SIRT1: variants seen among roughly 807,000 people sequenced by gnomAD.
The protein encoded by SIRT1 is NAD-dependent protein deacetylase sirtuin-1.
A neutral mutation model predicts 67.9 loss-of-function variants in SIRT1; 24 were observed. That is an observed-to-expected ratio of 0.35 (90% CI 0.26 to 0.50). SIRT1 has a LOEUF of 0.50. Among genes scored for constraint, SIRT1 ranks in the 20% least tolerant of loss-of-function variants. SIRT1 has a pLI of 0.98. For missense variants in SIRT1, 873 were observed against 937.2 expected, an observed-to-expected ratio of 0.93 and a Z score of 0.89; for synonymous variants, 378 against 350.7, an observed-to-expected ratio of 1.08 and a Z score of -0.87.
At position 67,916,462 on chromosome 10, in the gene SIRT1, G is replaced by A. The variant is rs778261267; in HGVS notation, c.2113G>A (p.Glu705Lys). 9 of 1,614,072 alleles carry A rather than the reference G, an allele frequency of 5.6e-6. No individual in the cohort carries two copies. Among genetic ancestry groups the A allele is most frequent in the Non-Finnish European group, 7.6e-6 (9 of 1,180,036 alleles). Residue 705 changes from glutamate to lysine, a missense_variant, in exon 9 of 9, where the codon GAG (glutamate) becomes AAG (lysine). Transcript: ENST00000212015. ...IEEFYNGLED[E>K]PDVPERAGGA... is the part of the protein sequence containing the mutation. ...AGAATTCTACAATGGCTTAGAAGAT[G>A]AGCCTGATGTTCCAGAGAGAGCTGG...
chr10:67,900,008 C>T (rs1442913720), intron 4 of SIRT1, among the ~76,000 whole-genome samples: 9 of 151,982 alleles, frequency 5.9e-5, no homozygotes, highest in African/African-American at 1.7e-4. Context: ...CGCTTGAACT[C>T]GGGAGGCGGA....
At chr10:67,896,416 T>C (rs1344253574) in intron 4 of SIRT1, among the ~76,000 whole-genome samples, 2 of 152,202 alleles carry the variant, frequency 1.3e-5, no homozygotes, top group Admixed American at 6.5e-5. Flanking sequence ...AGTGTCGGGA[T>C]TGTAGGCATA....
At chr10:67,887,346 C>T (rs1842499357) in intron 1 of SIRT1, 71 bp from the exon 2 acceptor site, 6 of 935,630 alleles carry the variant, frequency 6.4e-6, no homozygotes, top group Non-Finnish European at 1.0e-5. Context: ...AAAATGATTG[C>T]TCTATAACCG....
At chr10:67,913,766 A>G (rs920291326) in intron 8 of SIRT1, among the ~76,000 whole-genome samples, 5 of 152,248 alleles carry the variant, frequency 3.3e-5, no homozygotes, top group African/African-American at 1.2e-4. Context: ...TAACAGTCTT[A>G]TATAACTTAG....
At chr10:67,905,838 T>C (rs984745828) in intron 4 of SIRT1, among the ~76,000 whole-genome samples, 3 of 152,214 alleles carry the variant, frequency 2.0e-5, no homozygotes, top group Admixed American at 2.0e-4. Flanking sequence ...CATCTAGATC[T>C]CCCTCAATTC....
chr10:67,885,522 C>A, intron 1 of SIRT1: 1 of 646,604 alleles, frequency 1.5e-6, no homozygotes, highest in Non-Finnish European at 2.0e-6. Flanking sequence ...TTGCTTTTCT[C>A]CTCTACCCCC....
At position 67,885,108 on chromosome 10, in the gene SIRT1, C is replaced by CGAG. The variant is rs1392998332; in HGVS notation, c.396_398dup (p.Glu134dup). ...ACGACGAAGACGACGACGACGAGGG[C>CGAG]GAGGAGGAGGAAGAGGCGGCGGCGG... On this transcript the variant is annotated inframe_insertion, in exon 1 of 9. Coordinates refer to ENST00000212015, the MANE Select transcript of SIRT1 (RefSeq NM_012238.5). 2 of 1,440,400 alleles carry CGAG rather than the reference C, an allele frequency of 1.4e-6. No individual in the cohort carries two copies. Among genetic ancestry groups the CGAG allele is most frequent in the East Asian group, 3.0e-5 (1 of 32,958 alleles). 89.2% of individuals were successfully genotyped at this position (1,440,400 alleles called of 1,614,324 possible).
At chr10:67,885,912 T>C (rs915786840) in intron 1 of SIRT1, among the ~76,000 whole-genome samples, 6 of 151,966 alleles carry the variant, frequency 3.9e-5, no homozygotes, top group Non-Finnish European at 7.4e-5. Context: ...GAAGCAGATA[T>C]GTTGCAGTTG....
chr10:67,916,594 T>G lies in SIRT1; in HGVS notation c.*1T>G. On this transcript the variant is annotated 3_prime_UTR_variant, in exon 9 of 9. Coordinates refer to ENST00000212015, the MANE Select transcript of SIRT1 (RefSeq NM_012238.5). The stretch of plus-strand genomic sequence containing the variant: ...GAACTATCCATCAAACAAATCATAG[T>G]GTAATAATTGTGCAGGTACAGGAAT... 6.2e-7 allele frequency: 1 copy of G among 1,601,112 alleles called. No individual in the cohort carries two copies. The highest frequency in any genetic ancestry group is 8.5e-7 in the Non-Finnish European group (1 of 1,170,750).
At chr10:67,914,232 C>T (rs987952118) in intron 8 of SIRT1, among the ~76,000 whole-genome samples, 4 of 151,910 alleles carry the variant, frequency 2.6e-5, no homozygotes, top group African/African-American at 4.8e-5. Context: ...CCACCTTGCT[C>T]GGCTGATTCT....
chr10:67,898,258 CAAA>C (rs756541937), intron 4 of SIRT1, among the ~76,000 whole-genome samples: 7 of 66,730 alleles, frequency 1.0e-4, no homozygotes, highest in Admixed American at 3.7e-4. Flanking sequence ...GACTCTGTCT[CAAA>C]AAAAAAAAAA....
At chr10:67,901,980 ATTTGTT>A (rs72486821) in intron 4 of SIRT1, among the ~76,000 whole-genome samples, 54,899 of 151,272 alleles carry the variant, frequency 0.36, 10,729 homozygotes, top group East Asian at 0.85. Flanking sequence ...GGTATACAAT[ATTTGTT>A]TTTGTTTTTG....
intron 5 of SIRT1, 80 bp downstream of exon 5, chr10:67,907,017 G>C: frequency 8.4e-7 from 1 of 1,184,216 alleles, no homozygotes. Context: ...GACTGCCATC[G>C]AGAAGTGGAG....
rs199512798 is a variant in SIRT1, at chr10:67,887,421, C to T, written c.435C>T (p.Asn145=). ...AAAAAIGYRD[N]LLFGDEIITN... ...CTGACTTGGTTTCTTTTGCAGATAA[C>T]CTTCTGTTCGGTGATGAAATTATCA... The change falls in exon 2 of 9, where the codon AAC becomes AAT. Residue 145 remains asparagine (N), a synonymous_variant. Coordinates refer to ENST00000212015, the MANE Select transcript of SIRT1 (RefSeq NM_012238.5). 8 of 1,610,130 alleles carry T rather than the reference C, an allele frequency of 5.0e-6. No homozygotes were observed. In the Admixed American group the frequency reaches 6.7e-5, roughly 13 times the overall value.
At chr10:67,914,492 A>T (rs1246406512) in intron 8 of SIRT1, among the ~76,000 whole-genome samples, 3 of 152,338 alleles carry the variant, frequency 2.0e-5, no homozygotes, top group Non-Finnish European at 4.4e-5. Flanking sequence ...GAAAAAGCAT[A>T]GAGGGATGCT....
intron 4 of SIRT1, among the ~76,000 whole-genome samples, chr10:67,893,842 G>A (rs1338697219): frequency 2.0e-5 from 3 of 152,066 alleles, no homozygotes; most frequent in Non-Finnish European, 4.4e-5. Context: ...CGCGCCCCGC[G>A]CCCTGCCGAT....
chr10:67,887,388 A>G (rs755700690), intron 1 of SIRT1, 29 bp from the exon 2 acceptor site: 10 of 1,453,444 alleles, frequency 6.9e-6, no homozygotes, highest in Non-Finnish European at 9.7e-6. Flanking sequence ...TTGTTTTGAT[A>G]GCCTTGACTG....
intron 6 of SIRT1, 141 bp downstream of exon 6, chr10:67,908,266 G>A: frequency 1.6e-6 from 1 of 622,514 alleles, no homozygotes; most frequent in Non-Finnish European, 2.7e-6. Flanking sequence ...TGGGAATTTT[G>A]GTAAAATACA....
chr10:67,906,784 A>T lies in SIRT1; in HGVS notation c.943-6A>T. 1 of 1,608,750 alleles carries T rather than the reference A, an allele frequency of 6.2e-7. No homozygotes were observed. The highest frequency in any genetic ancestry group is 8.5e-7 in the Non-Finnish European group (1 of 1,178,566). ...GTAAATTTTTTCTACCATTTGCTTG[A>T]TACAGGAAATATATCCTGGACAATT... On this transcript the variant is annotated splice_polypyrimidine_tract_variant and splice_region_variant and intron_variant, in intron 4 of 8. Coordinates refer to ENST00000212015, the MANE Select transcript of SIRT1 (RefSeq NM_012238.5).
Sources: gnomAD v4.1 joint callset for allele counts (sites outside exome capture counted in the v4.1 genomes callset) on GRCh38, gnomAD v4.1.1 for gene constraint, MANE v1.5 for transcripts, NCBI Gene and HGNC (gene_info 2026-07-23, HGNC 2026-07-21) for gene names.